VPS13C: variants seen among roughly 807,000 people sequenced by gnomAD.
VPS13C encodes the protein intermembrane lipid transfer protein VPS13C.
In VPS13C, 358 loss-of-function variants were observed where a neutral mutation model predicts 456.8. That is an observed-to-expected ratio of 0.78 (90% CI 0.72 to 0.86). The LOEUF (loss-of-function observed/expected upper bound fraction) is 0.86, where lower values mean the gene tolerates loss of function less well. Ranked by LOEUF, VPS13C falls within the 40% of genes least tolerant of loss-of-function variation. The pLI is 0.00. For synonymous variants in VPS13C, 1,578 were observed against 1,486.7 expected (o/e 1.06, Z -1.41); for missense variants, 4,818 against 4,385.4 (o/e 1.10, Z -2.79).
At chr15:62,004,469 C>T (rs2046758661) in intron 15 of VPS13C, among the ~76,000 whole-genome samples, 1 of 150,500 alleles carries the variant, frequency 6.6e-6, no homozygotes, top group Non-Finnish European at 1.5e-5. Flanking sequence ...TTCAAAAAAC[C>T]AGCTCCTGGA....
At chr15:61,914,850 G>T in intron 61 of VPS13C, among the ~76,000 whole-genome samples, 1 of 116,462 alleles carries the variant, frequency 8.6e-6, no homozygotes, top group African/African-American at 3.3e-5. Context: ...ACAGGCATAA[G>T]CCACCGAGCC....
At chr15:61,948,033 G>C (rs2044664713) in intron 42 of VPS13C, among the ~76,000 whole-genome samples, 1 of 152,152 alleles carries the variant, frequency 6.6e-6, no homozygotes, top group Non-Finnish European at 1.5e-5. Context: ...AGAGCCTTCT[G>C]ATTGAAATTG....
chr15:62,012,750 C>A (rs189500386), intron 11 of VPS13C, among the ~76,000 whole-genome samples: 42 of 151,736 alleles, frequency 2.8e-4, no homozygotes, highest in Non-Finnish European at 5.6e-4. Flanking sequence ...CAGAATGTGA[C>A]AAGAATGTCA....
At chr15:61,900,142 C>A (rs1406459143) in intron 66 of VPS13C, among the ~76,000 whole-genome samples, 9 of 152,004 alleles carry the variant, frequency 5.9e-5, no homozygotes, top group Non-Finnish European at 1.3e-4. Flanking sequence ...TATGACAAAC[C>A]CACAGCCAAT....
At chr15:62,044,321 T>A in intron 1 of VPS13C, 66 bp from the exon 2 acceptor site, 1 of 1,012,464 alleles carries the variant, frequency 9.9e-7, no homozygotes, top group Non-Finnish European at 1.4e-6. Context: ...TATCACAATG[T>A]AGTACCAAGC....
chr15:61,900,081 C>A (rs572486663), intron 66 of VPS13C, among the ~76,000 whole-genome samples: 10 of 152,266 alleles, frequency 6.6e-5, no homozygotes, highest in Non-Finnish European at 1.3e-4. Context: ...GCTAAAAACT[C>A]TCAATAAATT....
chr15:61,961,104 C>G (rs1416648078), intron 35 of VPS13C, among the ~76,000 whole-genome samples: 1 of 150,788 alleles, frequency 6.6e-6, no homozygotes, highest in Non-Finnish European at 1.5e-5. Context: ...AAAAACTCTT[C>G]TGGGCCAGGC....
At chr15:61,980,121 T>A (rs1342913483) in intron 22 of VPS13C, among the ~76,000 whole-genome samples, 3 of 135,356 alleles carry the variant, frequency 2.2e-5, no homozygotes, top group Non-Finnish European at 3.0e-5. Flanking sequence ...GAGGCAAAGG[T>A]TGCAGTGAGC....
chr15:61,907,026 C>T (rs977675417), intron 66 of VPS13C: 16 of 435,802 alleles, frequency 3.7e-5, no homozygotes, highest in South Asian at 7.7e-5. Context: ...AGGTGCTTTA[C>T]ATAGGCAAGA....
In VPS13C at chr15:61,927,228, C is replaced by T. The variant is rs369302453; in HGVS notation, c.6379G>A (p.Ala2127Thr). The T allele has an allele frequency of 8.7e-6, 14 of 1,614,058 alleles. No individual in the cohort carries two copies. In the African/African-American group the frequency reaches 1.7e-4, roughly 20 times the overall value. Reference protein sequence around the residue: ...VASLTKADAPALTASFQCNLS... With the variant: ...VASLTKADAPTLTASFQCNLS... The stretch of plus-strand genomic sequence containing the variant: ...TTGCACTGAAACGAGGCTGTCAGAG[C>T]AGGAGCATCAGCCTTTGTCAGGCTG... Residue 2127 changes from alanine (A) to threonine (T), a missense_variant, in exon 52 of 85, where the codon GCT becomes ACT. Physicochemically the swap from Ala to Thr is moderately conservative, Grantham distance 58. Coordinates refer to ENST00000644861, the MANE Select transcript of VPS13C (RefSeq NM_020821.3).
At chr15:62,017,980 T>C (rs913655670) in intron 9 of VPS13C, among the ~76,000 whole-genome samples, 2 of 152,190 alleles carry the variant, frequency 1.3e-5, no homozygotes, top group African/African-American at 4.8e-5. Context: ...GGTTTGTAGT[T>C]CTCCTTGAAG....
rs768007478 is a variant in VPS13C, at chr15:61,890,255, T to G, written c.9251A>C (p.Asp3084Ala). The change falls in exon 67 of 85, where the codon GAT (aspartate) becomes GCT (alanine). Residue 3084 changes from aspartate to alanine, a missense_variant. Physicochemically the swap from Asp to Ala is moderately radical, Grantham distance 126. Transcript: ENST00000644861. ...ALQAEEMEQA[D>A]YEITLSLHSL... ...GTGGAGAGACAAGGTTATTTCATAA[T>G]CAGCCTGTTCCATTTCTTCTGCCTG... The G allele has an allele frequency of 6.2e-7, 1 of 1,614,118 alleles. No homozygotes were observed.
intron 71 of VPS13C, among the ~76,000 whole-genome samples, chr15:61,881,239 A>T (rs1365636484): frequency 2.0e-5 from 3 of 152,108 alleles, no homozygotes; most frequent in Non-Finnish European, 4.4e-5. Context: ...AGCATGTATG[A>T]TCCAATTTTT....
intron 9 of VPS13C, among the ~76,000 whole-genome samples, chr15:62,016,833 T>C (rs1233613059): frequency 2.0e-5 from 3 of 152,186 alleles, no homozygotes; most frequent in African/African-American, 7.2e-5. Flanking sequence ...TCTAGATCCC[T>C]GAGGAATCGC....
intron 5 of VPS13C, among the ~76,000 whole-genome samples, chr15:62,029,333 C>G (rs1008130160): frequency 6.6e-6 from 1 of 152,182 alleles, no homozygotes; most frequent in South Asian, 2.1e-4. Context: ...ATCATCAGAG[C>G]ATGCAAATCT....
intron 3 of VPS13C, among the ~76,000 whole-genome samples, chr15:62,040,751 G>A (rs2048214581): frequency 6.6e-6 from 1 of 151,902 alleles, no homozygotes; most frequent in Non-Finnish European, 1.5e-5. Context: ...ATAAAAACCA[G>A]ATAGCATGGA....
At chr15:61,963,189 T>C (rs1330874149) in intron 32 of VPS13C, among the ~76,000 whole-genome samples, 1 of 152,080 alleles carries the variant, frequency 6.6e-6, no homozygotes, top group African/African-American at 2.4e-5. Flanking sequence ...TTCAGACTAG[T>C]AGATGCGCTG....
chr15:62,047,768 A>T (rs1441611234), intron 1 of VPS13C, among the ~76,000 whole-genome samples: 3 of 152,194 alleles, frequency 2.0e-5, no homozygotes, highest in Non-Finnish European at 4.4e-5. Context: ...ATTCTGACTG[A>T]TAAATATGCA....
intron 15 of VPS13C, among the ~76,000 whole-genome samples, chr15:62,004,405 C>G (rs1170759830): frequency 6.6e-6 from 1 of 152,044 alleles, no homozygotes; most frequent in Non-Finnish European, 1.5e-5. Context: ...TTTGATTCTT[C>G]TCTTTTTTCT....
Sources: allele counts gnomAD v4.1 joint callset (sites outside exome capture counted in the v4.1 genomes callset), GRCh38; gene constraint gnomAD v4.1.1; transcripts MANE v1.5; gene names NCBI Gene and HGNC (gene_info 2026-07-23, HGNC 2026-07-21).